Variants in EYS observed in about 807,000 individuals in gnomAD.
EYS encodes the protein EGF-like photoreceptor maintenance factor, also known as protein eyes shut homolog.
In EYS, 250 loss-of-function variants were observed where a neutral mutation model predicts 282.1. That is an observed-to-expected ratio of 0.89 (90% confidence interval 0.80 to 0.98). The LOEUF is 0.98. EYS is among the 50% of genes least tolerant of loss of function. EYS has a pLI of 0.00. For missense variants in EYS, 4,016 were observed against 3,709.0 expected (o/e 1.08, Z -2.15); for synonymous variants, 1,355 against 1,282.9 (o/e 1.06, Z -1.20).
chr6:64,735,937 T>C lies in EYS; in HGVS notation c.3443+77441A>G, dbSNP rs147547639. 5.3e-3 allele frequency among the ~76,000 whole-genome samples: 811 copies of C among 152,124 alleles called. 12 individuals carry two copies. Among genetic ancestry groups the C allele is most frequent in the African/African-American group, 0.018 (763 of 41,578 alleles). On this transcript the variant is annotated intron_variant, in intron 22 of 42. Transcript: ENST00000503581. ...ATTAGATTAATTGAAATAGAGCTTT[T>C]TTGAGTTACATATTTCAGTTACAAT...
intron 22 of EYS, among the ~76,000 whole-genome samples, chr6:64,709,537 T>C (rs1003670644): frequency 1.3e-5 from 2 of 152,174 alleles, no homozygotes; most frequent in Non-Finnish European, 2.9e-5. Context: ...AATAATAACT[T>C]TGCTGCTAAG....
At chr6:65,561,026 C>G (rs1278911972) in intron 2 of EYS, among the ~76,000 whole-genome samples, 1 of 151,926 alleles carries the variant, frequency 6.6e-6, no homozygotes, top group Non-Finnish European at 1.5e-5. Flanking sequence ...CACAGATATT[C>G]TCAGATTAAA....
chr6:64,117,617 T>C (rs1195863684), intron 31 of EYS, among the ~76,000 whole-genome samples: 9 of 147,206 alleles, frequency 6.1e-5, no homozygotes, highest in Non-Finnish European at 1.1e-4. Flanking sequence ...CCTAGAAAAA[T>C]GAAAAAAATC....
chr6:64,524,444 T>C (rs1777852315), intron 26 of EYS, among the ~76,000 whole-genome samples: 1 of 151,732 alleles, frequency 6.6e-6, no homozygotes, highest in Admixed American at 6.6e-5. Flanking sequence ...CCTCTGTAGA[T>C]AGTTTCTTTT....
intron 12 of EYS, among the ~76,000 whole-genome samples, chr6:65,261,960 T>C (rs71572515): frequency 0.057 from 8,652 of 152,152 alleles, 307 homozygotes; most frequent in Middle Eastern, 0.096. Context: ...TATGGACACG[T>C]TCCTCTTAGG....
At chr6:64,595,757 A>G (rs900752570) in intron 24 of EYS, among the ~76,000 whole-genome samples, 1 of 152,216 alleles carries the variant, frequency 6.6e-6, no homozygotes, top group African/African-American at 2.4e-5. Context: ...AAGGAAAACT[A>G]CAAAACACTG....
intron 18 of EYS, among the ~76,000 whole-genome samples, chr6:64,890,053 C>CG (rs1554214889): frequency 1.9e-4 from 29 of 149,648 alleles, no homozygotes; most frequent in Non-Finnish European, 3.3e-4. Flanking sequence ...ATGCCCCCCC[C>CG]CCCCAAGGTG....
At chr6:65,670,424 A>C (rs1339511861) in intron 1 of EYS, among the ~76,000 whole-genome samples, 1 of 151,944 alleles carries the variant, frequency 6.6e-6, no homozygotes, top group Non-Finnish European at 1.5e-5. Context: ...CACTCTGTTC[A>C]CACTTCTGTA....
chr6:64,050,075 G>C (rs541991374), intron 33 of EYS, among the ~76,000 whole-genome samples: 1 of 152,228 alleles, frequency 6.6e-6, no homozygotes, highest in African/African-American at 2.4e-5. Context: ...CTCAGATTTG[G>C]TAACACTTTT....
intron 22 of EYS, among the ~76,000 whole-genome samples, chr6:64,759,686 T>G (rs555052172): frequency 6.6e-6 from 1 of 152,272 alleles, no homozygotes; most frequent in African/African-American, 2.4e-5. Flanking sequence ...GATTTAATCA[T>G]CTAATAATCC....
At chr6:65,618,768 A>G (rs1187890708) in intron 2 of EYS, among the ~76,000 whole-genome samples, 1 of 152,318 alleles carries the variant, frequency 6.6e-6, no homozygotes, top group Admixed American at 6.5e-5. Flanking sequence ...AGCTTTCTAC[A>G]TATGGCTAGC....
In EYS at chr6:65,495,147, A is replaced by T; in HGVS notation, c.264T>A (p.Leu88=). 6.2e-7 allele frequency: 1 copy of T among 1,614,060 alleles called. No individual in the cohort carries two copies. The highest frequency in any genetic ancestry group is 8.5e-7 in the Non-Finnish European group (1 of 1,179,936). ...CPLQIQLGDI[L]VISSEPSLQF... is the part of the protein sequence containing the mutation. ...GAAGAGATGGTTCAGAAGAAATTAC[A>T]AGGATATCTCCTAATTGAATTTGCA... The change falls in exon 4 of 43, where the codon CTT becomes CTA. Residue 88 remains leucine (L), a synonymous_variant. Transcript: ENST00000503581.
intron 29 of EYS, among the ~76,000 whole-genome samples, chr6:64,375,750 A>G (rs1490053685): frequency 6.6e-6 from 1 of 152,230 alleles, no homozygotes; most frequent in East Asian, 1.9e-4. Flanking sequence ...TTGTATTAAT[A>G]GGTTTTTTAG....
chr6:64,519,762 A>T (rs1454833364), intron 26 of EYS, among the ~76,000 whole-genome samples: 1 of 151,848 alleles, frequency 6.6e-6, no homozygotes, highest in African/African-American at 2.4e-5. Flanking sequence ...TTCTGTGAGT[A>T]CCTTAAACTA....
chr6:64,957,735 C>T (rs1038089898), intron 14 of EYS, among the ~76,000 whole-genome samples: 19 of 151,834 alleles, frequency 1.3e-4, no homozygotes, highest in Non-Finnish European at 2.5e-4. Context: ...CTATTATGTA[C>T]CCGCAAATAT....
chr6:64,311,880 A>G (rs1375621636), intron 29 of EYS, among the ~76,000 whole-genome samples: 4 of 151,848 alleles, frequency 2.6e-5, no homozygotes, highest in African/African-American at 7.3e-5. Flanking sequence ...CAACCGGCAG[A>G]CCAGGAGACT....
chr6:65,532,053 G>T (rs1037772195), intron 2 of EYS, among the ~76,000 whole-genome samples: 4 of 151,816 alleles, frequency 2.6e-5, no homozygotes, highest in African/African-American at 9.7e-5. Context: ...GTAAATTATT[G>T]TTGTTATTAT....
chr6:63,803,505 T>G (rs1325802020), intron 37 of EYS, among the ~76,000 whole-genome samples: 1 of 152,108 alleles, frequency 6.6e-6, no homozygotes, highest in African/African-American at 2.4e-5. Context: ...CACATCCTAA[T>G]GCAGAACAGG....
chr6:63,896,680 G>T (rs1773544656), intron 35 of EYS, among the ~76,000 whole-genome samples: 1 of 152,106 alleles, frequency 6.6e-6, no homozygotes, highest in Admixed American at 6.5e-5. Context: ...TATTTTCTCT[G>T]CCCTCAAAAT....
Sources: allele counts gnomAD v4.1 joint callset (sites outside exome capture counted in the v4.1 genomes callset), GRCh38; gene constraint gnomAD v4.1.1; transcripts MANE v1.5; gene names NCBI Gene and HGNC (gene_info 2026-07-23, HGNC 2026-07-21).